The following RBM20 variants were observed in gnomAD, a reference collection of about 807,000 sequenced individuals.
RBM20 encodes the protein RNA binding motif protein 20.
In RBM20, 51 loss-of-function variants were observed where a neutral mutation model predicts 110.1. The ratio of observed to expected loss-of-function variants is 0.46; its 90% CI spans 0.37 to 0.59. The LOEUF (loss-of-function observed/expected upper bound fraction) is 0.59, where lower values mean the gene tolerates loss of function less well. RBM20 is among the 20% of genes least tolerant of loss of function. The pLI is 0.00. For missense variants in RBM20, 1,512 were observed against 1,574.9 expected, an observed-to-expected ratio of 0.96 and a Z score of 0.68; for synonymous variants, 589 against 618.2, an observed-to-expected ratio of 0.95 and a Z score of 0.70.
chr10:110,821,623 C>G lies in RBM20; in HGVS notation c.3004C>G (p.Leu1002Val), dbSNP rs375355193. Residue 1002 changes from leucine (L) to valine (V), a missense_variant, in exon 11 of 14, where the codon CTA (leucine) becomes GTA (valine). Leu to Val is a conservative substitution (Grantham distance 32). Transcript: ENST00000369519. Reference sequence around the variant, plus strand: ...TGACATGGACGTGGAAATGCCTGGCCTAAATCTGGATGCTGAGCGGAAGCC... The same window carrying G: ...TGACATGGACGTGGAAATGCCTGGCGTAAATCTGGATGCTGAGCGGAAGCC... Reference protein sequence around the residue: ...PSDMDVEMPGLNLDAERKPAE... With the variant: ...PSDMDVEMPGVNLDAERKPAE... 42 of 1,551,556 alleles carry G rather than the reference C, an allele frequency of 2.7e-5. 1 individual carries two copies. In the African/African-American group the frequency reaches 5.1e-4, roughly 19 times the overall value.
At chr10:110,669,639 G>A (rs1289540465) in intron 1 of RBM20, among the ~76,000 whole-genome samples, 2 of 152,312 alleles carry the variant, frequency 1.3e-5, no homozygotes, top group East Asian at 3.9e-4. Flanking sequence ...TCAGACTGGT[G>A]TCCAAACCCT....
At chr10:110,781,993 C>A (rs1844359926) in intron 2 of RBM20, 109 bp downstream of exon 2, 3 of 1,359,230 alleles carry the variant, frequency 2.2e-6, no homozygotes, top group Non-Finnish European at 3.0e-6. Flanking sequence ...ATTGGGGTAA[C>A]AGAATTTTGC....
intron 12 of RBM20, among the ~76,000 whole-genome samples, chr10:110,826,111 C>CA (rs1564666328): frequency 2.6e-5 from 4 of 152,152 alleles, no homozygotes. Context: ...AATTGCACTC[C>CA]AAAAAGATGG....
At chr10:110,710,122 T>A (rs78231443) in intron 1 of RBM20, among the ~76,000 whole-genome samples, 1 of 152,226 alleles carries the variant, frequency 6.6e-6, no homozygotes, top group Non-Finnish European at 1.5e-5. Flanking sequence ...AACTTTTTTT[T>A]ATCATGCTAT....
intron 5 of RBM20, among the ~76,000 whole-genome samples, chr10:110,796,539 T>C (rs1844552617): frequency 6.6e-6 from 1 of 152,208 alleles, no homozygotes; most frequent in African/African-American, 2.4e-5. Context: ...AGGTCAGGAT[T>C]TCAAGACTAG....
At chr10:110,756,500 C>T (rs1227731759) in intron 1 of RBM20, 1 of 152,214 alleles carries the variant, frequency 6.6e-6, no homozygotes, top group Non-Finnish European at 1.5e-5. Flanking sequence ...TCCCATTGCT[C>T]ACGAGGTTTG....
intron 1 of RBM20, among the ~76,000 whole-genome samples, chr10:110,664,047 A>G (rs1352463036): frequency 1.3e-5 from 2 of 152,254 alleles, no homozygotes; most frequent in African/African-American, 4.8e-5. Flanking sequence ...AATATTAGTA[A>G]GAACTCCTGA....
chr10:110,747,793 A>G lies in RBM20; in HGVS notation c.192-33008A>G, dbSNP rs563598877. Among the ~76,000 whole-genome samples the G allele has an allele frequency of 8.5e-5, 13 of 152,122 alleles. No homozygotes were observed. The South Asian group carries it at 2.3e-3, about 27-fold the overall frequency. ...TAGAAAGTTTTCTTTCTGAAAGAGAAAGCCTTTTAGAAAGTTTTCTTTCTG... is the reference window on the plus strand; with the variant it reads ...TAGAAAGTTTTCTTTCTGAAAGAGAGAGCCTTTTAGAAAGTTTTCTTTCTG... On this transcript the variant is annotated intron_variant, in intron 1 of 13. Transcript: ENST00000369519.
At chr10:110,801,154 C>T (rs1488961326) in intron 7 of RBM20, among the ~76,000 whole-genome samples, 3 of 152,234 alleles carry the variant, frequency 2.0e-5, no homozygotes, top group Non-Finnish European at 2.9e-5. Flanking sequence ...TTCGGCCGGG[C>T]GTGGTGGCTC....
chr10:110,792,168 T>C (rs1368588477), intron 5 of RBM20, among the ~76,000 whole-genome samples: 1 of 147,048 alleles, frequency 6.8e-6, no homozygotes, highest in Admixed American at 6.6e-5. Context: ...TCTATCTATC[T>C]ATCTATCTAT....
intron 1 of RBM20, among the ~76,000 whole-genome samples, chr10:110,702,535 T>C (rs567807100): frequency 6.6e-6 from 1 of 152,302 alleles, no homozygotes; most frequent in African/African-American, 2.4e-5. Flanking sequence ...AGGCCCTGTC[T>C]CTAAAAAATA....
chr10:110,766,896 G>A (rs1844094974), intron 1 of RBM20, among the ~76,000 whole-genome samples: 2 of 149,320 alleles, frequency 1.3e-5, no homozygotes. Flanking sequence ...TTCCCAGTAG[G>A]GGCGGCCGGG....
intron 12 of RBM20, among the ~76,000 whole-genome samples, chr10:110,828,916 G>A (rs1272208272): frequency 6.6e-6 from 1 of 152,138 alleles, no homozygotes. Flanking sequence ...GATAGCTCTA[G>A]CTACACTGCT....
At chr10:110,775,016 T>G (rs562232389) in intron 1 of RBM20, among the ~76,000 whole-genome samples, 1 of 152,220 alleles carries the variant, frequency 6.6e-6, no homozygotes, top group Admixed American at 6.5e-5. Context: ...AAAACTATAA[T>G]GTAGTTCTTG....
intron 1 of RBM20, among the ~76,000 whole-genome samples, chr10:110,717,592 T>A (rs1044891743): frequency 1.3e-5 from 2 of 152,152 alleles, no homozygotes; most frequent in Middle Eastern, 6.3e-3. Flanking sequence ...TCCCACCTGA[T>A]TTGAATCCCA....
chr10:110,824,305 C>T (rs2135127058), intron 12 of RBM20, among the ~76,000 whole-genome samples: 1 of 152,306 alleles, frequency 6.6e-6, no homozygotes, highest in Admixed American at 6.5e-5. Context: ...ACTTCGTCTG[C>T]TATTGTTCAT....
At chr10:110,685,606 A>G (rs983476792) in intron 1 of RBM20, among the ~76,000 whole-genome samples, 14 of 152,200 alleles carry the variant, frequency 9.2e-5, no homozygotes, top group Non-Finnish European at 2.1e-4. Flanking sequence ...GCGGGCAGGA[A>G]AAGATGTCCA....
At chr10:110,673,294 C>A (rs1305344333) in intron 1 of RBM20, among the ~76,000 whole-genome samples, 2 of 152,086 alleles carry the variant, frequency 1.3e-5, no homozygotes, top group African/African-American at 4.8e-5. Flanking sequence ...TCACAGCAAC[C>A]TCTGCTTCTT....
intron 1 of RBM20, among the ~76,000 whole-genome samples, chr10:110,717,995 G>A (rs1048723992): frequency 3.3e-5 from 5 of 152,170 alleles, no homozygotes; most frequent in African/African-American, 9.7e-5. Context: ...CTGGGGCTTC[G>A]GGCATCTGTT....
Sources: allele counts gnomAD v4.1 joint callset (sites outside exome capture counted in the v4.1 genomes callset), GRCh38; gene constraint gnomAD v4.1.1; transcripts MANE v1.5; gene names NCBI Gene and HGNC (gene_info 2026-07-23, HGNC 2026-07-21).